Variants in SDC2 observed in about 807,000 individuals in gnomAD.
SDC2 encodes the protein syndecan-2.
Under a neutral mutation model 22.2 loss-of-function variants are expected in SDC2, and 13 were observed. That is an observed-to-expected ratio of 0.59 (90% CI 0.38 to 0.93). The LOEUF (loss-of-function observed/expected upper bound fraction) is 0.93, where lower values mean the gene tolerates loss of function less well. Ranked by LOEUF, SDC2 falls within the 40% of genes least tolerant of loss-of-function variation. The probability of loss-of-function intolerance (pLI) is 0.00; values close to 1 mark genes in which losing one functional copy is unlikely to be tolerated. For synonymous variants in SDC2, 94 were observed against 92.8 expected (o/e 1.01, Z -0.07); for missense variants, 235 against 246.8 (o/e 0.95, Z 0.32).
At chr8:96,592,572 A>G (rs971089988) in intron 1 of SDC2, among the ~76,000 whole-genome samples, 1 of 152,128 alleles carries the variant, frequency 6.6e-6, no homozygotes, top group Non-Finnish European at 1.5e-5. Flanking sequence ...ACCATTTTTT[A>G]AAGTCTTATA....
intron 1 of SDC2, among the ~76,000 whole-genome samples, chr8:96,539,245 A>G (rs1429058730): frequency 6.6e-6 from 1 of 152,226 alleles, no homozygotes; most frequent in East Asian, 1.9e-4. Flanking sequence ...ATGACCTGAA[A>G]GGGAGATCTT....
At chr8:96,608,970 A>G (rs1180979418) in intron 4 of SDC2, among the ~76,000 whole-genome samples, 1 of 152,264 alleles carries the variant, frequency 6.6e-6, no homozygotes, top group African/African-American at 2.4e-5. Context: ...TCTCAAATCC[A>G]AGAATAGAAA....
At chr8:96,532,698 C>T (rs1813684568) in intron 1 of SDC2, among the ~76,000 whole-genome samples, 1 of 151,984 alleles carries the variant, frequency 6.6e-6, no homozygotes. Context: ...AGAGCAAGAG[C>T]TGTGAACTCA....
chr8:96,601,983 C>A (rs1339501666), intron 2 of SDC2, among the ~76,000 whole-genome samples: 1 of 152,134 alleles, frequency 6.6e-6, no homozygotes, highest in Non-Finnish European at 1.5e-5. Context: ...TGGTCTCGAT[C>A]TCCTGACCTC....
At chr8:96,562,576 T>C (rs1241166123) in intron 1 of SDC2, among the ~76,000 whole-genome samples, 1 of 152,224 alleles carries the variant, frequency 6.6e-6, no homozygotes, top group Non-Finnish European at 1.5e-5. Flanking sequence ...TTTCCTCATT[T>C]TCTCCTCTTG....
chr8:96,497,879 C>T (rs1299134245), intron 1 of SDC2, among the ~76,000 whole-genome samples: 1 of 152,188 alleles, frequency 6.6e-6, no homozygotes, highest in Non-Finnish European at 1.5e-5. Context: ...AAAGATTTTG[C>T]CCATCCTTTT....
intron 1 of SDC2, among the ~76,000 whole-genome samples, chr8:96,526,661 GT>G (rs58922696): frequency 0.055 from 8,068 of 146,328 alleles, 678 homozygotes; most frequent in African/African-American, 0.18. Context: ...GAGGCCTTTG[GT>G]TTTTTTTTTT....
chr8:96,579,842 T>C (rs1239890849), intron 1 of SDC2, among the ~76,000 whole-genome samples: 1 of 152,248 alleles, frequency 6.6e-6, no homozygotes, highest in Non-Finnish European at 1.5e-5. Flanking sequence ...CTGTAATTTT[T>C]GAATATAACA....
chr8:96,553,261 A>T (rs1035884449), intron 1 of SDC2, among the ~76,000 whole-genome samples: 1 of 152,146 alleles, frequency 6.6e-6, no homozygotes, highest in Non-Finnish European at 1.5e-5. Flanking sequence ...ACAAGTATTC[A>T]ATTTTGATGC....
chr8:96,528,189 C>T (rs770537248), intron 1 of SDC2, among the ~76,000 whole-genome samples: 4 of 151,916 alleles, frequency 2.6e-5, no homozygotes, highest in African/African-American at 7.2e-5. Context: ...ATCTTTCATA[C>T]GGATTGGATT....
chr8:96,532,412 G>GTTTTTTTTTTTTTTTTTTT lies in SDC2; in HGVS notation c.60+38086_60+38104dup, dbSNP rs35452131. Among the ~76,000 whole-genome samples the GTTTTTTTTTTTTTTTTTTT allele has an allele frequency of 2.7e-4, 13 of 47,944 alleles. 2 individuals are homozygous for GTTTTTTTTTTTTTTTTTTT. The highest frequency in any genetic ancestry group is 1.4e-3 in the African/African-American group (13 of 9,556). 31.5% of individuals were successfully genotyped at this position (47,944 alleles called of 152,430 possible). Reference sequence around the variant, plus strand: ...CCTGAGTCTCTCTGCTTATTGAGGCGTTTTTTTTTTTTTTTTTTTTTTTGG... The same window carrying GTTTTTTTTTTTTTTTTTTT: ...CCTGAGTCTCTCTGCTTATTGAGGCGTTTTTTTTTTTTTTTTTTTTTTTTTTTTTTTTTTTTTTTTTTGG... On this transcript the variant is annotated intron_variant, in intron 1 of 4. Transcript: ENST00000302190.
rs535640533 is a variant in SDC2, at chr8:96,557,947, G to A, written c.61-35533G>A. Among the ~76,000 whole-genome samples, 5 of 152,216 alleles carry A rather than the reference G, an allele frequency of 3.3e-5. No individual in the cohort carries two copies. The South Asian group carries it at 8.3e-4, about 25-fold the overall frequency. ...CATAAGTACTGGAGGAACACAGTGC[G>A]TTAAACTTATCCTGAGGATAGATGT... is the stretch of plus-strand genomic sequence containing the variant. On this transcript the variant is annotated intron_variant, in intron 1 of 4. Coordinates refer to ENST00000302190, the MANE Select transcript of SDC2 (RefSeq NM_002998.4).
intron 1 of SDC2, among the ~76,000 whole-genome samples, chr8:96,536,383 C>T (rs1009762956): frequency 2.6e-5 from 4 of 152,038 alleles, no homozygotes; most frequent in East Asian, 1.9e-4. Context: ...TGCAGTAGTG[C>T]GACCTTTGCT....
chr8:96,513,510 G>A (rs1393172113), intron 1 of SDC2, among the ~76,000 whole-genome samples: 2 of 152,212 alleles, frequency 1.3e-5, no homozygotes, highest in East Asian at 3.8e-4. Flanking sequence ...ACTATTTACA[G>A]ATGTGTTTAG....
intron 1 of SDC2, among the ~76,000 whole-genome samples, chr8:96,514,033 C>T (rs1264437627): frequency 6.6e-6 from 1 of 152,178 alleles, no homozygotes; most frequent in East Asian, 1.9e-4. Context: ...TTCCTGATAA[C>T]TTGGTCTGAC....
At chr8:96,506,740 G>A (rs946381333) in intron 1 of SDC2, among the ~76,000 whole-genome samples, 2 of 152,222 alleles carry the variant, frequency 1.3e-5, no homozygotes, top group African/African-American at 2.4e-5. Context: ...GGCCGGGCAC[G>A]GTGGCTCACG....
At chr8:96,583,344 AATATATATT>A (rs1240911798) in intron 1 of SDC2, among the ~76,000 whole-genome samples, 13 of 121,784 alleles carry the variant, frequency 1.1e-4, no homozygotes, top group African/African-American at 3.5e-4. Flanking sequence ...TCACATATAA[AATATATATT>A]ATATATATTA....
At chr8:96,500,958 G>A (rs1412322929) in intron 1 of SDC2, among the ~76,000 whole-genome samples, 1 of 152,186 alleles carries the variant, frequency 6.6e-6, no homozygotes, top group East Asian at 1.9e-4. Context: ...TCAGCAGAGT[G>A]AAGCCAATGA....
At chr8:96,576,497 G>A (rs1323086496) in intron 1 of SDC2, among the ~76,000 whole-genome samples, 1 of 90,038 alleles carries the variant, frequency 1.1e-5, no homozygotes, top group Non-Finnish European at 2.4e-5. Flanking sequence ...TCGGCTCACT[G>A]CAAGCTCCGC....
Sources: gnomAD v4.1 joint callset for allele counts (sites outside exome capture counted in the v4.1 genomes callset) on GRCh38, gnomAD v4.1.1 for gene constraint, MANE v1.5 for transcripts, NCBI Gene and HGNC (gene_info 2026-07-23, HGNC 2026-07-21) for gene names.